Variants in FASN observed in about 807,000 individuals in gnomAD.
FASN encodes 3-hydroxyacyl-[acyl-carrier-protein] dehydratase.
FASN carries 50 observed loss-of-function variants against 250.0 expected under a neutral mutation model. The observed-to-expected ratio is 0.20, with a 90% CI of 0.16 to 0.25. The LOEUF is 0.25. Ranked by LOEUF, FASN falls within the 10% of genes least tolerant of loss-of-function variation. FASN has a pLI of 1.00. For missense variants in FASN, 3,031 were observed against 3,498.5 expected (o/e 0.87, Z 3.37); for synonymous variants, 1,909 against 1,584.0 (o/e 1.21, Z -4.87).
intron 38 of FASN, 44 bp downstream of exon 38, chr17:82,081,120 G>T: frequency 5.2e-6 from 8 of 1,541,036 alleles, no homozygotes; most frequent in Non-Finnish European, 7.0e-6. Flanking sequence ...GGAAGGGCTG[G>T]GGAGGCCCGG....
chr17:82,096,644 G>A lies in FASN; in HGVS notation c.-7-192C>T, dbSNP rs138461828. 1,683 of 764,226 alleles carry A rather than the reference G, an allele frequency of 2.2e-3. 18 individuals carry two copies. In the African/African-American group the frequency reaches 0.024, roughly 11 times the overall value. The allele number at this position is 764,226 out of a possible 1,614,324, so 47.3% of individuals were successfully genotyped here. On this transcript the variant is annotated intron_variant, in intron 1 of 42. Coordinates refer to ENST00000306749, the MANE Select transcript of FASN (RefSeq NM_004104.5). ...CCCTGACCCCGCTCTCGCTGGGAGG[G>A]GCTGCGTGCTCTGGGAACAGGCCCG... is the stretch of plus-strand genomic sequence containing the variant.
chr17:82,085,212 G>A, intron 24 of FASN, 26 bp downstream of exon 24: 1 of 1,612,252 alleles, frequency 6.2e-7, no homozygotes, highest in African/African-American at 1.3e-5. Context: ...GGTGGGGTGG[G>A]GCCTGGAGGT....
intron 1 of FASN, chr17:82,097,415 G>A (rs1168656449): frequency 2.6e-5 from 4 of 152,290 alleles, no homozygotes; most frequent in African/African-American, 7.2e-5. Flanking sequence ...AGGCCCCAGG[G>A]CCTGATACGC....
chr17:82,089,345 C>T lies in FASN; in HGVS notation c.2005G>A (p.Gly669Ser). ...FEFVEQLRKE[G>S]VFAKEVRTGG... Reference sequence around the variant, plus strand: ...GTCCGCACCTCCTTGGCAAACACACCCTCCTTCCTCAGCTGCTCCACGAAC... The same window carrying T: ...GTCCGCACCTCCTTGGCAAACACACTCTCCTTCCTCAGCTGCTCCACGAAC... The change falls in exon 13 of 43, where the codon GGT becomes AGT. Residue 669 changes from glycine to serine, a missense_variant. Coordinates refer to ENST00000306749, the MANE Select transcript of FASN (RefSeq NM_004104.5). 2 of 1,612,842 alleles carry T rather than the reference C, an allele frequency of 1.2e-6. No individual in the cohort carries two copies. Among genetic ancestry groups the T allele is most frequent in the Non-Finnish European group, 8.5e-7 (1 of 1,180,004 alleles).
In FASN at chr17:82,096,388, G is replaced by C. The variant is rs2034303966; in HGVS notation, c.58C>G (p.Gln20Glu). 1 of 1,612,848 alleles carries C rather than the reference G, an allele frequency of 6.2e-7. No individual in the cohort carries two copies. Among genetic ancestry groups the C allele is most frequent in the African/African-American group, 1.3e-5 (1 of 74,948 alleles). ...SGKLPESENLQEFWDNLIGGV... is the reference protein window; with the variant it reads ...SGKLPESENLEEFWDNLIGGV... The stretch of plus-strand genomic sequence containing the variant: ...CCGATGAGGTTGTCCCAGAACTCCT[G>C]CAAGTTCTCCGACTCTGGCAGCTTC... The change falls in exon 2 of 43, where the codon CAG (glutamine) becomes GAG (glutamate). Residue 20 changes from glutamine to glutamate, a missense_variant. Physicochemically the swap from Gln to Glu is conservative, Grantham distance 29. Transcript: ENST00000306749.
intron 12 of FASN, 25 bp downstream of exon 12, chr17:82,089,607 A>G: frequency 6.4e-7 from 1 of 1,573,548 alleles, no homozygotes. Context: ...GGGACAGAGG[A>G]GCCCGCCCAG....
At chr17:82,084,204 G>C (rs1231319067) in intron 28 of FASN, 30 bp downstream of exon 28, 3 of 1,610,250 alleles carry the variant, frequency 1.9e-6, no homozygotes, top group Non-Finnish European at 2.5e-6. Flanking sequence ...ATCCACGTGG[G>C]GCCCAGGCTC....
chr17:82,085,628 C>G lies in FASN; in HGVS notation c.3976G>C (p.Ala1326Pro). 6.3e-7 allele frequency: 1 copy of G among 1,597,378 alleles called. No individual in the cohort carries two copies. Among genetic ancestry groups the G allele is most frequent in the Admixed American group, 1.7e-5 (1 of 58,032 alleles). Reference sequence around the variant, plus strand: ...GCCACCATGTTGCTGAGAGCTGAGGCCGGGTCCCCGAGGGCAGCCACAGCA... The same window carrying G: ...GCCACCATGTTGCTGAGAGCTGAGGGCGGGTCCCCGAGGGCAGCCACAGCA... ...NCAVAALGDPASALSNMVAAL... is the reference protein window; with the variant it reads ...NCAVAALGDPPSALSNMVAAL... The change falls in exon 23 of 43, where the codon GCC becomes CCC. Residue 1326 changes from alanine to proline, a missense_variant. Physicochemically the swap from Ala to Pro is conservative, Grantham distance 27. Transcript: ENST00000306749.
In FASN at chr17:82,085,226, GC is replaced by G; in HGVS notation, c.4287+11del. 1 of 1,612,080 alleles carries G rather than the reference GC, an allele frequency of 6.2e-7. No homozygotes were observed. Among genetic ancestry groups the G allele is most frequent in the Non-Finnish European group, 8.5e-7 (1 of 1,179,698 alleles). ...AGGTGGGGTGGGGCCTGGAGGTGGGGCAGGGCCTGACCTTCAGAGACTCCAC... is the reference window on the plus strand; with the variant it reads ...AGGTGGGGTGGGGCCTGGAGGTGGGGAGGGCCTGACCTTCAGAGACTCCAC... On this transcript the variant is annotated intron_variant, in intron 24 of 42. Transcript: ENST00000306749.
rs115708196 is a variant in FASN, at chr17:82,083,521, C to T, written c.5337G>A (p.Pro1779=). The change falls in exon 31 of 43, where the codon CCG becomes CCA. Residue 1779 remains proline, a synonymous_variant. Coordinates refer to ENST00000306749, the MANE Select transcript of FASN (RefSeq NM_004104.5). The part of the protein sequence containing the change: ...IGKFDLSQNH[P]LGMAIFLKNV... ...CCCAGGCGCTGCCGGCCTCACCGAG[C>T]GGGTGGTTCTGAGAAAGGTCGAATT... 1.5e-3 allele frequency: 2,371 copies of T among 1,612,620 alleles called. 23 individuals carry two copies. The African/African-American group carries it at 0.02, about 13-fold the overall frequency.
chr17:82,087,410 C>T lies in FASN; in HGVS notation c.3138G>A (p.Leu1046=), dbSNP rs2034125169. The change falls in exon 20 of 43, where the codon CTG becomes CTA. Residue 1046 remains leucine (L), a synonymous_variant. Coordinates refer to ENST00000306749, the MANE Select transcript of FASN (RefSeq NM_004104.5). Reference sequence around the variant, plus strand: ...TGGCGGTGACACGGGTGGGCAGGTACAGGCCGTGCTTGGCCGAGCCCAGGA... The same window carrying T: ...TGGCGGTGACACGGGTGGGCAGGTATAGGCCGTGCTTGGCCGAGCCCAGGA... The part of the protein sequence containing the change: ...MSILGSAKHG[L]YLPTRVTAIH... 1 of 1,612,580 alleles carries T rather than the reference C, an allele frequency of 6.2e-7. No homozygotes were observed. Among genetic ancestry groups the T allele is most frequent in the Non-Finnish European group, 8.5e-7 (1 of 1,180,004 alleles).
rs200413570 is a variant in FASN, at chr17:82,096,365, G to A, written c.81C>T (p.Ile27=). Reference sequence around the variant, plus strand: ...CGTCCGTGACCATGTCCACACCGCCGATGAGGTTGTCCCAGAACTCCTGCA... The same window carrying A: ...CGTCCGTGACCATGTCCACACCGCCAATGAGGTTGTCCCAGAACTCCTGCA... ...ENLQEFWDNL[I]GGVDMVTDDD... Residue 27 remains isoleucine, a synonymous_variant, in exon 2 of 43, where the codon ATC becomes ATT. Coordinates refer to ENST00000306749, the MANE Select transcript of FASN (RefSeq NM_004104.5). 3.7e-5 allele frequency: 60 copies of A among 1,612,976 alleles called. 1 individual carries two copies. The East Asian group carries it at 6.2e-4, about 17-fold the overall frequency.
At chr17:82,085,982 C>T (rs570125597) in intron 22 of FASN, 111 bp from the exon 23 acceptor site, 93 of 1,352,452 alleles carry the variant, frequency 6.9e-5, no homozygotes, top group East Asian at 1.3e-4. Flanking sequence ...TCCCCGTCAA[C>T]CTGATGACGG....
At chr17:82,092,396 G>A (rs17848925) in intron 8 of FASN, 59 bp downstream of exon 8, 791,652 of 1,527,470 alleles carry the variant, frequency 0.52, 211,028 homozygotes, top group African/African-American at 0.65. Flanking sequence ...CCCAGCCATG[G>A]CGCAACCCAG....
At chr17:82,082,211 A>G (rs778832534) in intron 35 of FASN, 51 bp from the exon 36 acceptor site, 9 of 1,601,206 alleles carry the variant, frequency 5.6e-6, no homozygotes, top group Non-Finnish European at 7.6e-6. Flanking sequence ...AGGAGCCCCC[A>G]ACGTCCCATC....
chr17:82,087,349 A>C lies in FASN; in HGVS notation c.3199T>G (p.Tyr1067Asp). 1 of 1,612,240 alleles carries C rather than the reference A, an allele frequency of 6.2e-7. No individual in the cohort carries two copies. Among genetic ancestry groups the C allele is most frequent in the South Asian group, 1.1e-5 (1 of 91,080 alleles). ...CCTTGGGCCTTGTCCTGCAGTGTGTACAGCTTCTGCCTGTGGGTGGCAGGG... is the reference window on the plus strand; with the variant it reads ...CCTTGGGCCTTGTCCTGCAGTGTGTCCAGCTTCTGCCTGTGGGTGGCAGGG... The part of the protein sequence containing the change: ...IDPATHRQKL[Y>D]TLQDKAQVAD... Residue 1067 changes from tyrosine (Y) to aspartate (D), a missense_variant, in exon 20 of 43, where the codon TAC (tyrosine) becomes GAC (aspartate). Transcript: ENST00000306749.
chr17:82,081,363 T>C lies in FASN; in HGVS notation c.6407-11A>G, dbSNP rs1374070147. On this transcript the variant is annotated splice_polypyrimidine_tract_variant and intron_variant, in intron 37 of 42. Coordinates refer to ENST00000306749, the MANE Select transcript of FASN (RefSeq NM_004104.5). ...CCAAGTCGCGGATGCCTGGAAGGGATGCGCCGGGTCGGCAACTCCAGAGGG... is the reference window on the plus strand; with the variant it reads ...CCAAGTCGCGGATGCCTGGAAGGGACGCGCCGGGTCGGCAACTCCAGAGGG... 2 of 1,558,700 alleles carry C rather than the reference T, an allele frequency of 1.3e-6. No homozygotes were observed. Among genetic ancestry groups the C allele is most frequent in the Non-Finnish European group, 1.7e-6 (2 of 1,152,850 alleles).
At chr17:82,089,849 G>A (rs543014569) in intron 11 of FASN, 123 bp from the exon 12 acceptor site, 24 of 862,996 alleles carry the variant, frequency 2.8e-5, no homozygotes, top group South Asian at 1.9e-4. Context: ...CAGCCTTGGA[G>A]CCTTCATGAG....
chr17:82,096,070 T>C (rs955415364), intron 2 of FASN, among the ~76,000 whole-genome samples: 5 of 152,218 alleles, frequency 3.3e-5, no homozygotes, highest in Non-Finnish European at 7.3e-5. Context: ...GAGCCTCCTG[T>C]TGGCCTTGCA....
Sources: gnomAD v4.1 joint callset for allele counts (sites outside exome capture counted in the v4.1 genomes callset) on GRCh38, gnomAD v4.1.1 for gene constraint, MANE v1.5 for transcripts, NCBI Gene and HGNC (gene_info 2026-07-23, HGNC 2026-07-21) for gene names.